The following IGF1R variants were observed in gnomAD, a reference collection of about 807,000 sequenced individuals.
The protein encoded by IGF1R is insulin like growth factor 1 receptor.
IGF1R carries 44 observed loss-of-function variants against 144.6 expected under a neutral mutation model. That is an observed-to-expected ratio of 0.30 (90% confidence interval 0.24 to 0.39). The LOEUF (loss-of-function observed/expected upper bound fraction) is 0.39. Among genes scored for constraint, IGF1R ranks in the 10% least tolerant of loss-of-function variants. IGF1R has a pLI of 1.00. For synonymous variants in IGF1R, 795 were observed against 722.8 expected, an observed-to-expected ratio of 1.10 and a Z score of -1.60; for missense variants, 1,355 against 1,833.7, an observed-to-expected ratio of 0.74 and a Z score of 4.77.
At chr15:98,661,916 C>G (rs923457815) in intron 1 of IGF1R, among the ~76,000 whole-genome samples, 1 of 150,872 alleles carries the variant, frequency 6.6e-6, no homozygotes, top group African/African-American at 2.4e-5. Flanking sequence ...AGTCCTCCTT[C>G]CCCACAACAC....
intron 2 of IGF1R, among the ~76,000 whole-genome samples, chr15:98,798,742 C>T (rs1398487696): frequency 6.6e-6 from 1 of 151,682 alleles, no homozygotes; most frequent in Non-Finnish European, 1.5e-5. Flanking sequence ...TATTAGATCA[C>T]ATGGGCCCTG....
intron 2 of IGF1R, among the ~76,000 whole-genome samples, chr15:98,723,794 T>G (rs796723309): frequency 6.6e-6 from 1 of 152,222 alleles, no homozygotes; most frequent in African/African-American, 2.4e-5. Flanking sequence ...ATGGGAAGAC[T>G]TGCTGTATCT....
chr15:98,706,352 A>G (rs983515546), intron 1 of IGF1R, among the ~76,000 whole-genome samples: 4 of 152,274 alleles, frequency 2.6e-5, no homozygotes, highest in Non-Finnish European at 4.4e-5. Context: ...AAAGGTTATC[A>G]CAAAGAGTTT....
At chr15:98,942,870 C>T in intron 18 of IGF1R, 53 bp from the exon 19 acceptor site, 1 of 1,611,698 alleles carries the variant, frequency 6.2e-7, no homozygotes, top group Non-Finnish European at 8.5e-7. Context: ...TCTGCTGTGA[C>T]AGCAGTGGTG....
chr15:98,779,388 A>G (rs1265195494), intron 2 of IGF1R, among the ~76,000 whole-genome samples: 3 of 152,242 alleles, frequency 2.0e-5, no homozygotes, highest in African/African-American at 7.2e-5. Context: ...TTCAAGAAAT[A>G]TTTAAGAACA....
chr15:98,861,631 T>G (rs2012164374), intron 2 of IGF1R, among the ~76,000 whole-genome samples: 1 of 152,216 alleles, frequency 6.6e-6, no homozygotes, highest in Non-Finnish European at 1.5e-5. Flanking sequence ...ATTCTGGGTT[T>G]GTATCCCGTC....
chr15:98,810,554 C>CTTTTTTTTTT (rs1289249437), intron 2 of IGF1R, among the ~76,000 whole-genome samples: 5 of 138,716 alleles, frequency 3.6e-5, no homozygotes, highest in African/African-American at 5.3e-5. Flanking sequence ...CTTTTCTTTT[C>CTTTTTTTTTT]TTTTTTTTTT....
Position 98,957,576 on chromosome 15 carries a change from C to A in IGF1R, c.*134C>A, listed in dbSNP as rs55945252. 3 of 1,105,508 alleles carry A rather than the reference C, an allele frequency of 2.7e-6. No individual in the cohort carries two copies. Among genetic ancestry groups the A allele is most frequent in the South Asian group, 1.3e-5 (1 of 75,446 alleles). The allele number at this position is 1,105,508 out of a possible 1,614,324, so 68.5% of individuals were successfully genotyped here. ...GATCTTCAGAACTGCCCTTGCTGCC[C>A]GCGGGAGACAGCTTCTCTGCAGTAA... On this transcript the variant is annotated 3_prime_UTR_variant, in exon 21 of 21. Transcript: ENST00000650285.
At chr15:98,674,633 A>G (rs935236054) in intron 1 of IGF1R, among the ~76,000 whole-genome samples, 3 of 152,360 alleles carry the variant, frequency 2.0e-5, no homozygotes, top group South Asian at 2.1e-4. Flanking sequence ...GCCAGACACT[A>G]CAAGTATTAT....
chr15:98,956,258 C>T (rs758486356), intron 20 of IGF1R, among the ~76,000 whole-genome samples: 4 of 152,236 alleles, frequency 2.6e-5, no homozygotes, highest in Non-Finnish European at 4.4e-5. Flanking sequence ...GGAGCCCAGC[C>T]GATGCGACCG....
At chr15:98,848,342 A>C (rs1488625243) in intron 2 of IGF1R, among the ~76,000 whole-genome samples, 1 of 152,212 alleles carries the variant, frequency 6.6e-6, no homozygotes, top group Non-Finnish European at 1.5e-5. Context: ...CATCACCCAC[A>C]GTTTACGTGT....
chr15:98,782,352 A>AT (rs2055879280), intron 2 of IGF1R, among the ~76,000 whole-genome samples: 1 of 152,102 alleles, frequency 6.6e-6, no homozygotes, highest in Admixed American at 6.5e-5. Context: ...GTAAATTCTG[A>AT]TTTTTATGTT....
chr15:98,869,214 C>T (rs953624937), intron 2 of IGF1R, among the ~76,000 whole-genome samples: 4 of 152,024 alleles, frequency 2.6e-5, no homozygotes, highest in African/African-American at 9.7e-5. Context: ...CAGGAAACTC[C>T]CTTCTATTAT....
In IGF1R at chr15:98,957,328, C is replaced by G. The variant is rs762955814; in HGVS notation, c.3990C>G (p.Gly1330=). ...HSGHKAENGP[G]PGVLVLRASF... is the part of the protein sequence containing the mutation. The stretch of plus-strand genomic sequence containing the variant: ...GACACAAGGCCGAGAACGGCCCCGG[C>G]CCTGGGGTGCTGGTCCTCCGCGCCA... The change falls in exon 21 of 21, where the codon GGC becomes GGG. Residue 1330 remains glycine, a synonymous_variant. Transcript: ENST00000650285. The G allele has an allele frequency of 1.1e-5, 17 of 1,612,204 alleles. No homozygotes were observed. Among genetic ancestry groups the G allele is most frequent in the African/African-American group, 1.3e-5 (1 of 74,914 alleles).
At chr15:98,792,377 C>G (rs1444201948) in intron 2 of IGF1R, among the ~76,000 whole-genome samples, 1 of 152,202 alleles carries the variant, frequency 6.6e-6, no homozygotes, top group Non-Finnish European at 1.5e-5. Context: ...GAGACTAGAG[C>G]ACTCTCAAAT....
At chr15:98,940,151 C>A (rs1361635952) in intron 18 of IGF1R, among the ~76,000 whole-genome samples, 4 of 152,224 alleles carry the variant, frequency 2.6e-5, no homozygotes, top group African/African-American at 4.8e-5. Context: ...AAACCACCTG[C>A]TTTTACCAGG....
intron 2 of IGF1R, among the ~76,000 whole-genome samples, chr15:98,850,429 G>T (rs527648895): frequency 4.6e-5 from 7 of 152,208 alleles, no homozygotes; most frequent in South Asian, 4.1e-4. Context: ...AGACACCTGG[G>T]GGGGGCACCA....
At chr15:98,651,871 C>G (rs2052376050) in intron 1 of IGF1R, among the ~76,000 whole-genome samples, 1 of 151,348 alleles carries the variant, frequency 6.6e-6, no homozygotes, top group African/African-American at 2.4e-5. Flanking sequence ...CTGCCCCTCC[C>G]TCCATCTCTG....
chr15:98,692,197 G>T (rs896088731), intron 1 of IGF1R, among the ~76,000 whole-genome samples: 1 of 152,114 alleles, frequency 6.6e-6, no homozygotes, highest in African/African-American at 2.4e-5. Context: ...AATTAGCTGG[G>T]CATGGTGGTG....
Sources: gnomAD v4.1 joint callset for allele counts (sites outside exome capture counted in the v4.1 genomes callset) on GRCh38, gnomAD v4.1.1 for gene constraint, MANE v1.5 for transcripts, NCBI Gene and HGNC (gene_info 2026-07-23, HGNC 2026-07-21) for gene names.